Variants in PCDH15 observed in about 807,000 individuals in gnomAD.
PCDH15 encodes protocadherin-15.
Under a neutral mutation model 178.5 loss-of-function variants are expected in PCDH15, and 129 were observed. That is an observed-to-expected ratio of 0.72 (90% CI 0.63 to 0.84). The LOEUF (loss-of-function observed/expected upper bound fraction) is 0.84. PCDH15 is among the 40% of genes least tolerant of loss of function. The pLI, the probability that PCDH15 is intolerant of heterozygous loss-of-function variation, is 0.00. For synonymous variants in PCDH15, 800 were observed against 732.0 expected (o/e 1.09, Z -1.50); for missense variants, 2,230 against 2,099.9 (o/e 1.06, Z -1.21).
At chr10:55,243,440 T>G (rs1841605761) in intron 1 of PCDH15, among the ~76,000 whole-genome samples, 1 of 152,218 alleles carries the variant, frequency 6.6e-6, no homozygotes, top group African/African-American at 2.4e-5. Flanking sequence ...AGACCAGACT[T>G]TCCAAAAACC....
chr10:54,801,656 T>C (rs1952654077), upstream of PCDH15, among the ~76,000 whole-genome samples: 1 of 152,164 alleles, frequency 6.6e-6, no homozygotes, highest in Non-Finnish European at 1.5e-5. Flanking sequence ...TCATTAAATC[T>C]ACCCTCTTAT....
At chr10:55,017,233 C>A (rs1317982698) in intron 2 of PCDH15, among the ~76,000 whole-genome samples, 1 of 152,116 alleles carries the variant, frequency 6.6e-6, no homozygotes, top group African/African-American at 2.4e-5. Flanking sequence ...CACCTCCATT[C>A]AGCACAATGC....
In PCDH15 at chr10:54,196,292, A is replaced by G. The variant is rs535171999; in HGVS notation, c.1099-403T>C. Among the ~76,000 whole-genome samples, 26 of 151,938 alleles carry G rather than the reference A, an allele frequency of 1.7e-4. No individual in the cohort carries two copies. The South Asian group carries it at 4.8e-3, about 28-fold the overall frequency. On this transcript the variant is annotated intron_variant, in intron 10 of 37. Coordinates refer to ENST00000644397, the MANE Select transcript of PCDH15 (RefSeq NM_001384140.1). ...CAAGTAGCTGGGACTACAGGCGCCC[A>G]CCACCACGCATGGCTAATGTTTTGT...
intron 2 of PCDH15, among the ~76,000 whole-genome samples, chr10:54,947,768 C>G (rs1670835): frequency 0.19 from 28,269 of 151,822 alleles, 2,793 homozygotes; most frequent in Admixed American, 0.24. Flanking sequence ...TGAGAGTCAT[C>G]CCAGAATAAA....
intron 2 of PCDH15, among the ~76,000 whole-genome samples, chr10:55,588,847 C>T (rs897271387): frequency 5.1e-4 from 77 of 151,866 alleles, no homozygotes; most frequent in Non-Finnish European, 9.0e-4. Flanking sequence ...TTTTGGAGGC[C>T]GAGGTGGGTG....
rs1038293239 is a variant in PCDH15 at position 55,336,806 on chromosome 10, C to T, written c.-155-170155G>A. Among the ~76,000 whole-genome samples, 4 of 152,236 alleles carry T rather than the reference C, an allele frequency of 2.6e-5. No homozygotes were observed. The East Asian group carries it at 7.7e-4, about 29-fold the overall frequency. ...CCGTTTCTTCATTTCTGAAGGCTCC[C>T]GTGTTACTTAAAGCTTGTACAAAAT... is the stretch of plus-strand genomic sequence containing the variant. On this transcript the variant is annotated intron_variant, in intron 2 of 5. Coordinates refer to the PCDH15 transcript ENST00000613346.
In PCDH15 at chr10:53,959,179, G is replaced by GTATA. The variant is rs562660762; in HGVS notation, c.3122+549_3122+552dup. On this transcript the variant is annotated intron_variant, in intron 23 of 37. Coordinates refer to ENST00000644397, the MANE Select transcript of PCDH15 (RefSeq NM_001384140.1). The stretch of plus-strand genomic sequence containing the variant: ...TATTATATATGTGTATATATAGTGT[G>GTATA]TATATATATATACACACAGTATATA... 2.1e-3 allele frequency among the ~76,000 whole-genome samples: 309 copies of GTATA among 147,158 alleles called. 2 individuals carry two copies. Among genetic ancestry groups the GTATA allele is most frequent in the African/African-American group, 7.1e-3 (287 of 40,174 alleles).
chr10:55,333,443 C>T (rs1844267656), intron 2 of PCDH15, among the ~76,000 whole-genome samples: 1 of 151,668 alleles, frequency 6.6e-6, no homozygotes, highest in Non-Finnish European at 1.5e-5. Flanking sequence ...TTTTAAATGG[C>T]AGGGAAGAGA....
At chr10:54,832,858 T>C (rs138201024) in intron 3 of PCDH15, among the ~76,000 whole-genome samples, 125 of 152,276 alleles carry the variant, frequency 8.2e-4, no homozygotes, top group African/African-American at 2.9e-3. Context: ...GGTGACACTA[T>C]AGGTCATTCA....
At chr10:54,353,984 T>A (rs2134307897) in intron 5 of PCDH15, among the ~76,000 whole-genome samples, 1 of 152,278 alleles carries the variant, frequency 6.6e-6, no homozygotes, top group Non-Finnish European at 1.5e-5. Flanking sequence ...TATTTATTTA[T>A]CTATTTATTT....
In PCDH15 at chr10:55,084,640, C is replaced by G. The variant is rs543623128; in HGVS notation, c.-80+81936G>C. Among the ~76,000 whole-genome samples the G allele has an allele frequency of 9.9e-5, 15 of 151,758 alleles. No individual in the cohort carries two copies. The South Asian group carries it at 2.3e-3, about 23-fold the overall frequency. On this transcript the variant is annotated intron_variant, in intron 2 of 5. Coordinates refer to the PCDH15 transcript ENST00000458638. ...AACATAAGCAAAATGAAGAGACAAC[C>G]CACAAAATGGGAGAAAATATTTGCT...
At chr10:55,387,352 T>G (rs1209423672) in intron 2 of PCDH15, among the ~76,000 whole-genome samples, 2 of 152,104 alleles carry the variant, frequency 1.3e-5, no homozygotes, top group African/African-American at 4.8e-5. Context: ...CTCACCAGCT[T>G]CGATCAAACC....
chr10:55,504,344 T>C (rs1296829377), intron 2 of PCDH15, among the ~76,000 whole-genome samples: 1 of 151,468 alleles, frequency 6.6e-6, no homozygotes, highest in African/African-American at 2.4e-5. Context: ...TAAAGTTAAT[T>C]ATTTGAAAAT....
chr10:54,305,765 T>C (rs2060428445), intron 8 of PCDH15, among the ~76,000 whole-genome samples: 1 of 151,644 alleles, frequency 6.6e-6, no homozygotes, highest in South Asian at 2.1e-4. Context: ...AGGAGGCATA[T>C]ATGAGGGAAA....
chr10:54,334,716 T>TACACACAC (rs1940691842), intron 6 of PCDH15, among the ~76,000 whole-genome samples: 1 of 133,768 alleles, frequency 7.5e-6, no homozygotes, highest in South Asian at 2.7e-4. Context: ...CACACACACG[T>TACACACAC]GTATATATAT....
At chr10:55,468,864 T>C (rs1839897184) in intron 2 of PCDH15, among the ~76,000 whole-genome samples, 1 of 152,184 alleles carries the variant, frequency 6.6e-6, no homozygotes, top group African/African-American at 2.4e-5. Flanking sequence ...TCATAATACT[T>C]ATCTCTTATT....
chr10:54,618,886 T>A (rs921183000), intron 2 of PCDH15, among the ~76,000 whole-genome samples: 35 of 152,004 alleles, frequency 2.3e-4, no homozygotes, highest in African/African-American at 8.2e-4. Context: ...CAGCATGTTA[T>A]TCCATATGGA....
At chr10:54,944,565 G>T (rs1838145274) in intron 2 of PCDH15, among the ~76,000 whole-genome samples, 1 of 151,858 alleles carries the variant, frequency 6.6e-6, no homozygotes, top group African/African-American at 2.4e-5. Context: ...TTTTTAAGCA[G>T]CCAATCCATT....
At chr10:55,195,992 T>C (rs1020790392) in intron 1 of PCDH15, among the ~76,000 whole-genome samples, 5 of 152,124 alleles carry the variant, frequency 3.3e-5, no homozygotes, top group African/African-American at 4.8e-5. Flanking sequence ...AATATTTTTA[T>C]TTTTTCAGGT....
Sources: gnomAD v4.1 joint callset for allele counts (sites outside exome capture counted in the v4.1 genomes callset) on GRCh38, gnomAD v4.1.1 for gene constraint, MANE v1.5 for transcripts, NCBI Gene and HGNC (gene_info 2026-07-23, HGNC 2026-07-21) for gene names.